Variants in C8B observed in about 807,000 individuals in gnomAD.
The protein encoded by C8B is complement component C8 beta chain.
C8B carries 67 observed loss-of-function variants against 64.6 expected under a neutral mutation model. The ratio of observed to expected loss-of-function variants is 1.04; its 90% CI spans 0.85 to 1.27. The LOEUF (loss-of-function observed/expected upper bound fraction) is 1.27. Among genes scored for constraint, C8B ranks in the 50% most tolerant of loss-of-function variants. The probability of loss-of-function intolerance (pLI) is 0.00; values close to 1 mark genes in which losing one functional copy is unlikely to be tolerated. For missense variants in C8B, 790 were observed against 725.2 expected (o/e 1.09, Z -1.03); for synonymous variants, 284 against 257.7 (o/e 1.10, Z -0.98).
chr1:56,932,036 C>A (rs1229224389), intron 10 of C8B, among the ~76,000 whole-genome samples, 158 bp from the exon 11 acceptor site: 1 of 152,198 alleles, frequency 6.6e-6, no homozygotes, highest in African/African-American at 2.4e-5. Flanking sequence ...GGAATACCTA[C>A]TCCTTTCCTG....
rs372968576 is a variant in C8B at position 56,956,823 on chromosome 1, TG to T, written c.336del (p.Asn113ThrfsTer22). The part of the protein sequence containing the change: ...FSDKEVEDCV[T>X]NRPCGSQVRC... ...CGCACTTGACTTCCGCATGGTCTGT[TG>T]GTAACACAGTCTTCGACTTCCTTGT... On this transcript the variant is annotated frameshift_variant, in exon 3 of 12. Coordinates refer to ENST00000371237, the MANE Select transcript of C8B (RefSeq NM_000066.4). LOFTEE classifies it high-confidence loss of function. The T allele has an allele frequency of 5.0e-6, 8 of 1,614,006 alleles. No individual in the cohort carries two copies. The East Asian group carries it at 1.3e-4, about 27-fold the overall frequency.
chr1:56,934,030 T>G (rs1644740522), intron 9 of C8B, among the ~76,000 whole-genome samples: 1 of 152,182 alleles, frequency 6.6e-6, no homozygotes, highest in Admixed American at 6.5e-5. Flanking sequence ...CTTCCAGAGC[T>G]GCAAAGCTCA....
rs2101434705 is a variant in C8B at position 56,952,126 on chromosome 1, A to G, written c.588T>C (p.Tyr196=). 8 of 1,614,180 alleles carry G rather than the reference A, an allele frequency of 5.0e-6. No individual in the cohort carries two copies. The highest frequency in any genetic ancestry group is 1.1e-5 in the South Asian group (1 of 91,080). Residue 196 remains tyrosine, a synonymous_variant, in exon 5 of 12, where the codon TAT becomes TAC. Coordinates refer to ENST00000371237, the MANE Select transcript of C8B (RefSeq NM_000066.4). ...FEGPVLDHRY[Y]AGGCSPHYIL... ...TGTAATGCGGGGAGCATCCACCTGCATAATACCTGTGATCAAGAACTGGGC... is the reference window on the plus strand; with the variant it reads ...TGTAATGCGGGGAGCATCCACCTGCGTAATACCTGTGATCAAGAACTGGGC...
chr1:56,958,694 G>C (rs778263615), intron 2 of C8B, among the ~76,000 whole-genome samples: 1 of 152,152 alleles, frequency 6.6e-6, no homozygotes, highest in Non-Finnish European at 1.5e-5. Context: ...TGGCTGCCAG[G>C]CTGACTCATG....
intron 9 of C8B, among the ~76,000 whole-genome samples, chr1:56,940,460 C>T (rs924725114): frequency 2.0e-5 from 3 of 151,624 alleles, no homozygotes; most frequent in Non-Finnish European, 4.4e-5. Context: ...ACCCTGGCTA[C>T]TTAGGAGGTT....
At chr1:56,957,181 G>T (rs956466753) in intron 2 of C8B, among the ~76,000 whole-genome samples, 2 of 152,174 alleles carry the variant, frequency 1.3e-5, no homozygotes, top group Non-Finnish European at 2.9e-5. Context: ...CTTCTGCAGT[G>T]ATCAGTCAAG....
intron 8 of C8B, among the ~76,000 whole-genome samples, chr1:56,943,487 C>T (rs2101397808): frequency 6.6e-6 from 1 of 152,282 alleles, no homozygotes. Context: ...GGATTATATT[C>T]CATTCATATA....
chr1:56,939,108 A>G (rs1439237669), intron 9 of C8B, among the ~76,000 whole-genome samples: 1 of 152,218 alleles, frequency 6.6e-6, no homozygotes, highest in Non-Finnish European at 1.5e-5. Context: ...AACTGATCTG[A>G]GTGACCAGGG....
At chr1:56,940,302 T>A (rs1277070737) in intron 9 of C8B, among the ~76,000 whole-genome samples, 1 of 151,930 alleles carries the variant, frequency 6.6e-6, no homozygotes, top group Non-Finnish European at 1.5e-5. Context: ...GCACAGTGGC[T>A]CACACCTATA....
chr1:56,954,614 C>T (rs1456550663), intron 4 of C8B, 72 bp downstream of exon 4: 2 of 1,582,328 alleles, frequency 1.3e-6, no homozygotes, highest in African/African-American at 1.3e-5. Context: ...TCAGTTCTCT[C>T]ATTCTCTATC....
intron 9 of C8B, 22 bp downstream of exon 9, chr1:56,940,827 T>A: frequency 2.5e-6 from 4 of 1,613,984 alleles, no homozygotes; most frequent in Non-Finnish European, 3.4e-6. Flanking sequence ...GAGGAAAGGA[T>A]GGGTAGAGCA....
chr1:56,950,644 GC>G, intron 5 of C8B, among the ~76,000 whole-genome samples: 1 of 152,212 alleles, frequency 6.6e-6, no homozygotes, highest in East Asian at 1.9e-4. Flanking sequence ...ATGGTCTACA[GC>G]ATGGCCACTG....
intron 4 of C8B, 112 bp downstream of exon 4, chr1:56,954,574 C>G: frequency 2.1e-6 from 3 of 1,430,632 alleles, no homozygotes; most frequent in Non-Finnish European, 2.9e-6. Flanking sequence ...AGTCTTTTCT[C>G]AGAAAGGTGA....
chr1:56,964,745 G>T lies in C8B; in HGVS notation c.92+1112C>A, dbSNP rs549855707. Among the ~76,000 whole-genome samples the T allele has an allele frequency of 5.3e-5, 8 of 152,290 alleles. No homozygotes were observed. The East Asian group carries it at 1.5e-3, about 29-fold the overall frequency. On this transcript the variant is annotated intron_variant, in intron 1 of 11. Coordinates refer to ENST00000371237, the MANE Select transcript of C8B (RefSeq NM_000066.4). ...TTTGTGAGAACATAGGCTCATCTCTGTATCCTCAGAGCCCAACAGAAAGCT... is the reference window on the plus strand; with the variant it reads ...TTTGTGAGAACATAGGCTCATCTCTTTATCCTCAGAGCCCAACAGAAAGCT...
At chr1:56,964,846 G>A (rs1570412181) in intron 1 of C8B, among the ~76,000 whole-genome samples, 1 of 152,204 alleles carries the variant, frequency 6.6e-6, no homozygotes, top group East Asian at 1.9e-4. Context: ...CATTTTCTTG[G>A]GTCCTGAATG....
intron 10 of C8B, 76 bp downstream of exon 10, chr1:56,933,259 G>T: frequency 1.6e-6 from 2 of 1,222,766 alleles, no homozygotes; most frequent in Middle Eastern, 2.5e-4. Flanking sequence ...GTAAACAGAA[G>T]CAGGCAAATG....
intron 4 of C8B, among the ~76,000 whole-genome samples, chr1:56,953,663 G>A (rs541019958): frequency 1.3e-5 from 2 of 152,308 alleles, no homozygotes; most frequent in African/African-American, 4.8e-5. Context: ...TTTGAAAGAA[G>A]CATGTTATTA....
chr1:56,936,648 G>T (rs1311949298), intron 9 of C8B, among the ~76,000 whole-genome samples: 1 of 149,678 alleles, frequency 6.7e-6, no homozygotes, highest in East Asian at 2.0e-4. Flanking sequence ...AGGCTGGAGT[G>T]CAATGGCATG....
intron 10 of C8B, 132 bp downstream of exon 10, chr1:56,933,203 G>C (rs184948737): frequency 2.5e-6 from 2 of 802,864 alleles, no homozygotes; most frequent in Admixed American, 1.8e-5. Flanking sequence ...CAGGTATACT[G>C]ACAGCCAGAG....
Sources: allele counts gnomAD v4.1 joint callset (sites outside exome capture counted in the v4.1 genomes callset), GRCh38; gene constraint gnomAD v4.1.1; transcripts MANE v1.5; gene names NCBI Gene and HGNC (gene_info 2026-07-23, HGNC 2026-07-21).